Variants in NRXN1 observed in about 807,000 individuals in gnomAD.
NRXN1 encodes neurexin 1, also known as neurexin-1.
NRXN1 carries 39 observed loss-of-function variants against 150.9 expected under a neutral mutation model. The observed-to-expected ratio is 0.26, with a 90% CI of 0.20 to 0.34. NRXN1 has a LOEUF of 0.34. NRXN1 is among the 10% of genes least tolerant of loss of function. The probability of loss-of-function intolerance (pLI) is 1.00; values close to 1 mark genes in which losing one functional copy is unlikely to be tolerated. For synonymous variants in NRXN1, 924 were observed against 757.0 expected, an observed-to-expected ratio of 1.22 and a Z score of -3.62; for missense variants, 1,815 against 1,949.9, an observed-to-expected ratio of 0.93 and a Z score of 1.30.
chr2:50,120,526 A>C (rs2152735631), intron 18 of NRXN1, among the ~76,000 whole-genome samples: 1 of 152,338 alleles, frequency 6.6e-6, no homozygotes, highest in Non-Finnish European at 1.5e-5. Context: ...CAAAATAGGC[A>C]ATGTGCTATG....
At chr2:49,934,399 A>G in intron 22 of NRXN1, among the ~76,000 whole-genome samples, 1 of 152,148 alleles carries the variant, frequency 6.6e-6, no homozygotes, top group East Asian at 1.9e-4. Context: ...CACAGCATCT[A>G]TATAAACCTG....
intron 17 of NRXN1, among the ~76,000 whole-genome samples, chr2:50,335,643 C>T (rs2077136589): frequency 6.6e-6 from 1 of 152,182 alleles, no homozygotes; most frequent in African/African-American, 2.4e-5. Context: ...TTCAGTTCTG[C>T]TGCAGGTGTC....
intron 19 of NRXN1, among the ~76,000 whole-genome samples, chr2:50,072,609 A>T (rs1333285589): frequency 2.0e-5 from 3 of 149,006 alleles, no homozygotes; most frequent in Admixed American, 6.6e-5. Context: ...TGGCAAAAAA[A>T]AAAATAAAAC....
chr2:50,029,846 C>T (rs1437290310), intron 21 of NRXN1, among the ~76,000 whole-genome samples: 2 of 152,094 alleles, frequency 1.3e-5, no homozygotes, highest in African/African-American at 4.8e-5. Context: ...CCTTAATAAG[C>T]CCAAAGGTCT....
At chr2:50,042,579 C>T (rs1055152248) in intron 21 of NRXN1, among the ~76,000 whole-genome samples, 1 of 152,176 alleles carries the variant, frequency 6.6e-6, no homozygotes, top group African/African-American at 2.4e-5. Context: ...CTGAGCAATA[C>T]ACAACATTTA....
intron 17 of NRXN1, among the ~76,000 whole-genome samples, chr2:50,439,465 C>G (rs901778080): frequency 3.3e-5 from 5 of 152,050 alleles, no homozygotes; most frequent in African/African-American, 1.2e-4. Context: ...TTCTGACAGA[C>G]GCAGAGAGCC....
At chr2:50,736,594 T>C (rs1334731212) in intron 5 of NRXN1, among the ~76,000 whole-genome samples, 1 of 152,128 alleles carries the variant, frequency 6.6e-6, no homozygotes, top group Non-Finnish European at 1.5e-5. Flanking sequence ...CTTGTGGTAG[T>C]GAATAAGTCT....
intron 18 of NRXN1, among the ~76,000 whole-genome samples, chr2:50,124,746 T>C (rs879357731): frequency 2.0e-5 from 3 of 152,138 alleles, no homozygotes; most frequent in Non-Finnish European, 4.4e-5. Flanking sequence ...TTTTACACTA[T>C]TATTTAAAAA....
chr2:50,350,630 G>C (rs1326438216), intron 17 of NRXN1, among the ~76,000 whole-genome samples: 1 of 152,136 alleles, frequency 6.6e-6, no homozygotes, highest in Admixed American at 6.5e-5. Flanking sequence ...TGGGACTTTG[G>C]AGAGCGATTT....
intron 17 of NRXN1, among the ~76,000 whole-genome samples, chr2:50,304,609 G>A (rs896767833): frequency 1.3e-5 from 2 of 152,064 alleles, no homozygotes; most frequent in African/African-American, 4.8e-5. Flanking sequence ...GAACCCCAGA[G>A]GAAAGCAGTT....
intron 18 of NRXN1, among the ~76,000 whole-genome samples, chr2:50,149,048 T>A (rs985363916): frequency 2.0e-5 from 3 of 151,688 alleles, no homozygotes; most frequent in Admixed American, 6.6e-5. Context: ...GTAGTGAAAA[T>A]AGAGGTCTTT....
chr2:49,952,648 T>C (rs1253955908), intron 21 of NRXN1, among the ~76,000 whole-genome samples: 1 of 151,638 alleles, frequency 6.6e-6, no homozygotes, highest in Non-Finnish European at 1.5e-5. Context: ...ATTGAATCTC[T>C]TTCTGTCTTT....
chr2:49,957,464 C>A (rs1675182217), intron 21 of NRXN1, among the ~76,000 whole-genome samples: 1 of 152,116 alleles, frequency 6.6e-6, no homozygotes, highest in Admixed American at 6.5e-5. Context: ...GCACTGGACT[C>A]CCTAATCTTT....
At chr2:50,042,054 T>C (rs1691059423) in intron 21 of NRXN1, among the ~76,000 whole-genome samples, 1 of 152,232 alleles carries the variant, frequency 6.6e-6, no homozygotes, top group African/African-American at 2.4e-5. Context: ...CACCCCTTTT[T>C]CTTAAATAAA....
intron 18 of NRXN1, among the ~76,000 whole-genome samples, chr2:50,235,536 A>C (rs2065336233): frequency 6.6e-6 from 1 of 152,124 alleles, no homozygotes; most frequent in Non-Finnish European, 1.5e-5. Flanking sequence ...AGGCAAAATT[A>C]AGATTAAGAA....
chr2:50,084,271 G>A (rs1222845496), intron 19 of NRXN1, among the ~76,000 whole-genome samples: 1 of 152,206 alleles, frequency 6.6e-6, no homozygotes, highest in Admixed American at 6.5e-5. Flanking sequence ...GCGGAGCAGG[G>A]GGCCGCACAG....
chr2:50,468,173 C>T (rs1057429126), intron 16 of NRXN1, among the ~76,000 whole-genome samples: 2 of 151,472 alleles, frequency 1.3e-5, no homozygotes, highest in Admixed American at 1.3e-4. Flanking sequence ...AATGAAGATC[C>T]AGATTTTGGT....
At chr2:50,517,922 C>T (rs1478764133) in intron 12 of NRXN1, among the ~76,000 whole-genome samples, 2 of 152,076 alleles carry the variant, frequency 1.3e-5, no homozygotes, top group East Asian at 1.9e-4. Flanking sequence ...CAGTATTTCT[C>T]GATGCTTCAC....
intron 17 of NRXN1, among the ~76,000 whole-genome samples, chr2:50,464,804 C>A (rs542650029): frequency 1.3e-5 from 2 of 151,932 alleles, no homozygotes; most frequent in South Asian, 4.1e-4. Context: ...CAGTTAATTC[C>A]ATCTTCAAAC....
Sources: gnomAD v4.1 joint callset for allele counts (sites outside exome capture counted in the v4.1 genomes callset) on GRCh38, gnomAD v4.1.1 for gene constraint, MANE v1.5 for transcripts, NCBI Gene and HGNC (gene_info 2026-07-23, HGNC 2026-07-21) for gene names.